Variants in TMEM178A observed in about 807,000 individuals in gnomAD.
TMEM178A encodes transmembrane protein 178.
Under a neutral mutation model 29.1 loss-of-function variants are expected in TMEM178A, and 12 were observed. The ratio of observed to expected loss-of-function variants is 0.41; its 90% CI spans 0.26 to 0.67. The LOEUF (loss-of-function observed/expected upper bound fraction) is 0.67. Ranked by LOEUF, TMEM178A falls within the 30% of genes least tolerant of loss-of-function variation. TMEM178A has a pLI of 0.29. For missense variants in TMEM178A, 366 were observed against 419.1 expected (o/e 0.87, Z 1.11); for synonymous variants, 210 against 187.2 (o/e 1.12, Z -0.99).
chr2:39,668,680 T>C (rs1390187837), intron 1 of TMEM178A, among the ~76,000 whole-genome samples: 1 of 152,170 alleles, frequency 6.6e-6, no homozygotes, highest in Non-Finnish European at 1.5e-5. Context: ...AGAACAGGCA[T>C]TGGTAGATTA....
intron 3 of TMEM178A, among the ~76,000 whole-genome samples, chr2:39,710,946 C>A (rs1324820987): frequency 6.6e-6 from 1 of 152,258 alleles, no homozygotes; most frequent in Non-Finnish European, 1.5e-5. Context: ...ACAGACAGGT[C>A]TTGATTACCA....
At chr2:39,675,447 A>G (rs758993825) in intron 1 of TMEM178A, among the ~76,000 whole-genome samples, 3 of 152,226 alleles carry the variant, frequency 2.0e-5, no homozygotes, top group Non-Finnish European at 2.9e-5. Context: ...TGTGACAGTT[A>G]CTGAAATAAA....
At chr2:39,704,298 T>C in intron 2 of TMEM178A, 104 bp downstream of exon 2, 1 of 920,948 alleles carries the variant, frequency 1.1e-6, no homozygotes, top group South Asian at 1.6e-5. Flanking sequence ...TCTTATCCTC[T>C]GTGAGCCTCT....
the TMEM178A span, among the ~76,000 whole-genome samples, chr2:39,730,707 T>C: frequency 1.3e-5 from 2 of 152,198 alleles, no homozygotes; most frequent in Non-Finnish European, 2.9e-5. Flanking sequence ...TTTTATGCAA[T>C]AGCAGACAGC....
intron 1 of TMEM178A, among the ~76,000 whole-genome samples, chr2:39,669,371 G>C (rs557727202): frequency 6.6e-6 from 1 of 152,312 alleles, no homozygotes; most frequent in African/African-American, 2.4e-5. Context: ...ATATTTCTGA[G>C]AGATGTACAG....
At chr2:39,667,276 A>G (rs577327746) in intron 1 of TMEM178A, among the ~76,000 whole-genome samples, 54 of 149,014 alleles carry the variant, frequency 3.6e-4, no homozygotes, top group African/African-American at 7.1e-4. Context: ...CAGAGCATCA[A>G]TTTGTTCTTC....
chr2:39,694,792 T>C (rs779934920), intron 1 of TMEM178A, among the ~76,000 whole-genome samples: 9 of 152,236 alleles, frequency 5.9e-5, no homozygotes, highest in Non-Finnish European at 1.3e-4. Flanking sequence ...TTTTTCAATA[T>C]GACCATTAGA....
In TMEM178A at chr2:39,704,076, T is replaced by A; in HGVS notation, c.401-5T>A. The A allele has an allele frequency of 6.2e-7, 1 of 1,613,668 alleles. No individual in the cohort carries two copies. Among genetic ancestry groups the A allele is most frequent in the Non-Finnish European group, 8.5e-7 (1 of 1,179,686 alleles). ...TCGTAAATCGCGTTTCTTATTTCCT[T>A]CAAGGTATTGCGCAGCGATGCACGG... On this transcript the variant is annotated splice_polypyrimidine_tract_variant and splice_region_variant and intron_variant, in intron 1 of 3. Coordinates refer to ENST00000281961, the MANE Select transcript of TMEM178A (RefSeq NM_152390.3).
At chr2:39,709,272 CT>C (rs1672199150) in intron 3 of TMEM178A, among the ~76,000 whole-genome samples, 1 of 152,216 alleles carries the variant, frequency 6.6e-6, no homozygotes, top group South Asian at 2.1e-4. Flanking sequence ...CCACTCACCC[CT>C]ATCCCACTCC....
At position 39,684,782 on chromosome 2, in the gene TMEM178A, C is replaced by G. The variant is rs147098671; in HGVS notation, c.400+18408C>G. On this transcript the variant is annotated intron_variant, in intron 1 of 3. Transcript: ENST00000281961. The stretch of plus-strand genomic sequence containing the variant: ...CACTCTCCCTCTCATGCTTTTTGCT[C>G]CAGCAATACTGAACCTCCTGTCAGT... Among the ~76,000 whole-genome samples, 426 of 152,160 alleles carry G rather than the reference C, an allele frequency of 2.8e-3. 1 individual carries two copies. Among genetic ancestry groups the G allele is most frequent in the Middle Eastern group, 6.8e-3 (2 of 294 alleles).
chr2:39,709,628 G>A (rs1400091498), intron 3 of TMEM178A, among the ~76,000 whole-genome samples: 1 of 152,136 alleles, frequency 6.6e-6, no homozygotes, highest in East Asian at 1.9e-4. Flanking sequence ...CTCTGCTGGG[G>A]CTTAATGGTT....
At chr2:39,730,460 C>A in the TMEM178A span, among the ~76,000 whole-genome samples, 1 of 152,270 alleles carries the variant, frequency 6.6e-6, no homozygotes, top group African/African-American at 2.4e-5. Flanking sequence ...ACGTGCAGGG[C>A]AGCTGGCTTT....
intron 3 of TMEM178A, 57 bp downstream of exon 3, chr2:39,707,243 C>T (rs183058100): frequency 7.2e-6 from 11 of 1,527,660 alleles, no homozygotes; most frequent in East Asian, 4.6e-5. Flanking sequence ...GCTCTGCATG[C>T]GGCTAGCTAG....
At chr2:39,693,703 C>G (rs1038022260) in intron 1 of TMEM178A, among the ~76,000 whole-genome samples, 6 of 152,084 alleles carry the variant, frequency 3.9e-5, no homozygotes, top group African/African-American at 1.4e-4. Context: ...TCTCTTTAGT[C>G]TTGAGTTGTA....
chr2:39,692,186 G>C (rs1671343208), intron 1 of TMEM178A, among the ~76,000 whole-genome samples: 1 of 152,106 alleles, frequency 6.6e-6, no homozygotes, highest in Admixed American at 6.6e-5. Flanking sequence ...ATGGGAAGAT[G>C]GATGCTGGTC....
At chr2:39,731,171 C>T in the TMEM178A span, among the ~76,000 whole-genome samples, 1 of 152,192 alleles carries the variant, frequency 6.6e-6, no homozygotes, top group African/African-American at 2.4e-5. Context: ...GTGTTGTTGG[C>T]ATAAAGAATC....
chr2:39,678,243 A>G (rs1271836526), intron 1 of TMEM178A, among the ~76,000 whole-genome samples: 6 of 152,222 alleles, frequency 3.9e-5, no homozygotes, highest in Non-Finnish European at 8.8e-5. Context: ...TACCCCCAAA[A>G]GTTGAAAACA....
intron 1 of TMEM178A, among the ~76,000 whole-genome samples, chr2:39,684,839 G>A (rs563151345): frequency 1.3e-5 from 2 of 151,972 alleles, no homozygotes; most frequent in South Asian, 2.1e-4. Context: ...CTACACCTTC[G>A]CTTTTGCTGT....
the TMEM178A span, among the ~76,000 whole-genome samples, chr2:39,725,561 T>C: frequency 0.059 from 9,057 of 152,248 alleles, 454 homozygotes; most frequent in African/African-American, 0.13. Flanking sequence ...CATTCTGGAC[T>C]TTTATGGCTG....
Sources: allele counts gnomAD v4.1 joint callset (sites outside exome capture counted in the v4.1 genomes callset), GRCh38; gene constraint gnomAD v4.1.1; transcripts MANE v1.5; gene names NCBI Gene and HGNC (gene_info 2026-07-23, HGNC 2026-07-21).